FBXL7: variants seen among roughly 807,000 people sequenced by gnomAD.
FBXL7 encodes the protein F-box and leucine rich repeat protein 7, also known as F-box/LRR-repeat protein 7.
A neutral mutation model predicts 38.3 loss-of-function variants in FBXL7; 12 were observed. The observed-to-expected ratio is 0.31, with a 90% confidence interval of 0.20 to 0.51. The LOEUF (loss-of-function observed/expected upper bound fraction) is 0.51. Ranked by LOEUF, FBXL7 falls within the 20% of genes least tolerant of loss-of-function variation. FBXL7 has a pLI of 0.98. For missense variants in FBXL7, 567 were observed against 676.4 expected, an observed-to-expected ratio of 0.84 and a Z score of 1.79; for synonymous variants, 297 against 300.9, an observed-to-expected ratio of 0.99 and a Z score of 0.13.
At position 15,895,176 on chromosome 5, in the gene FBXL7, A is replaced by G. The variant is rs528633794; in HGVS notation, c.128-32714A>G. ...GTTAAAAGTAGTGGCAAAAACCTCA[A>G]TTACCTACCTATGTTTGGAAAGATA... On this transcript the variant is annotated intron_variant, in intron 2 of 3. Coordinates refer to ENST00000504595, the MANE Select transcript of FBXL7 (RefSeq NM_012304.5). Among the ~76,000 whole-genome samples the G allele has an allele frequency of 2.0e-3, 301 of 152,338 alleles. 1 individual carries two copies. The highest frequency in any genetic ancestry group is 6.7e-3 in the African/African-American group (279 of 41,578).
intron 2 of FBXL7, among the ~76,000 whole-genome samples, chr5:15,840,369 T>G (rs1738711963): frequency 6.6e-6 from 1 of 152,256 alleles, no homozygotes; most frequent in Admixed American, 6.5e-5. Flanking sequence ...CCTCATTCTT[T>G]TCCAAGTTAA....
At chr5:15,680,477 A>T (rs932379047) in intron 2 of FBXL7, among the ~76,000 whole-genome samples, 1 of 152,280 alleles carries the variant, frequency 6.6e-6, no homozygotes, top group Admixed American at 6.5e-5. Flanking sequence ...CTTATAACCA[A>T]ATAGAGAGGA....
In FBXL7 at chr5:15,500,594, C is replaced by T. The variant is rs1336058093; in HGVS notation, c.-83C>T. On this transcript the variant is annotated 5_prime_UTR_variant, in exon 1 of 4. Coordinates refer to ENST00000504595, the MANE Select transcript of FBXL7 (RefSeq NM_012304.5). Reference sequence around the variant, plus strand: ...ATGTGCAGCTAACGGTCCCGTCGGGCGGGCTTTCCTCGGGCCGAGCGCGCA... The same window carrying T: ...ATGTGCAGCTAACGGTCCCGTCGGGTGGGCTTTCCTCGGGCCGAGCGCGCA... 4 of 1,587,294 alleles carry T rather than the reference C, an allele frequency of 2.5e-6. No individual in the cohort carries two copies. Among genetic ancestry groups the T allele is most frequent in the Non-Finnish European group, 3.5e-6 (4 of 1,156,316 alleles).
At chr5:15,636,057 G>C (rs533993268) in intron 2 of FBXL7, among the ~76,000 whole-genome samples, 1 of 151,178 alleles carries the variant, frequency 6.6e-6, no homozygotes, top group South Asian at 2.1e-4. Flanking sequence ...TAACATTACT[G>C]CACCATCCAC....
At position 15,868,905 on chromosome 5, in the gene FBXL7, G is replaced by C. The variant is rs571351733; in HGVS notation, c.128-58985G>C. Among the ~76,000 whole-genome samples the C allele has an allele frequency of 5.3e-5, 8 of 152,192 alleles. No homozygotes were observed. In the East Asian group the frequency reaches 1.5e-3, roughly 29 times the overall value. ...GCCACTAGAGTAATTGTATATAAGA[G>C]TTAACTATCGCTGTGTAACAAATCA... On this transcript the variant is annotated intron_variant, in intron 2 of 3. Transcript: ENST00000504595.
rs1033381749 is a variant in FBXL7 at position 15,871,658 on chromosome 5, A to C, written c.128-56232A>C. ...AGCACGAGAACTTCGTGGAGCATAC[A>C]CAAGTATCAATAGCTGAATTGATCA... On this transcript the variant is annotated intron_variant, in intron 2 of 3. Coordinates refer to ENST00000504595, the MANE Select transcript of FBXL7 (RefSeq NM_012304.5). Among the ~76,000 whole-genome samples the C allele has an allele frequency of 2.0e-5, 3 of 152,198 alleles. No homozygotes were observed. In the East Asian group the frequency reaches 5.8e-4, roughly 29 times the overall value.
intron 2 of FBXL7, among the ~76,000 whole-genome samples, chr5:15,643,301 C>G (rs527754907): frequency 6.6e-6 from 1 of 152,162 alleles, no homozygotes; most frequent in Non-Finnish European, 1.5e-5. Context: ...CCTAGCTAGA[C>G]GTGCGCATGC....
At chr5:15,726,933 G>T (rs187926277) in intron 2 of FBXL7, among the ~76,000 whole-genome samples, 11 of 151,492 alleles carry the variant, frequency 7.3e-5, no homozygotes, top group Admixed American at 6.6e-4. Context: ...CTTCTTTTGT[G>T]TTTAGTTGAT....
chr5:15,687,164 G>T (rs1743038488), intron 2 of FBXL7, among the ~76,000 whole-genome samples: 1 of 152,232 alleles, frequency 6.6e-6, no homozygotes, highest in Non-Finnish European at 1.5e-5. Context: ...AAGCCTTGCT[G>T]GATTAGAATA....
chr5:15,841,732 C>T (rs931499578), intron 2 of FBXL7, among the ~76,000 whole-genome samples: 1 of 152,220 alleles, frequency 6.6e-6, no homozygotes, highest in Non-Finnish European at 1.5e-5. Flanking sequence ...AGTGTCCCAG[C>T]CACTCCAGCT....
chr5:15,576,012 A>G (rs551773003), intron 1 of FBXL7, among the ~76,000 whole-genome samples: 1 of 151,576 alleles, frequency 6.6e-6, no homozygotes, highest in South Asian at 2.1e-4. Flanking sequence ...TGTAAATGGT[A>G]AGTGAGTTTA....
At chr5:15,586,428 A>G (rs1026594695) in intron 1 of FBXL7, among the ~76,000 whole-genome samples, 1 of 151,150 alleles carries the variant, frequency 6.6e-6, no homozygotes, top group African/African-American at 2.4e-5. Flanking sequence ...CCAAAGCACA[A>G]AGTGATGGGT....
At chr5:15,706,674 G>A (rs535823277) in intron 2 of FBXL7, among the ~76,000 whole-genome samples, 1 of 152,252 alleles carries the variant, frequency 6.6e-6, no homozygotes, top group Admixed American at 6.5e-5. Flanking sequence ...AGGATTTGCT[G>A]TTGGAAAAAA....
chr5:15,713,951 G>A (rs1033474547), intron 2 of FBXL7, among the ~76,000 whole-genome samples: 2 of 152,170 alleles, frequency 1.3e-5, no homozygotes, highest in Non-Finnish European at 2.9e-5. Flanking sequence ...ATTGTGATAG[G>A]CTGAATAATG....
chr5:15,681,167 C>T (rs1458378708), intron 2 of FBXL7, among the ~76,000 whole-genome samples: 2 of 152,072 alleles, frequency 1.3e-5, no homozygotes, highest in Non-Finnish European at 2.9e-5. Context: ...CAACTAGTGT[C>T]AAAAGCTTCA....
chr5:15,755,218 G>A (rs919266884), intron 2 of FBXL7, among the ~76,000 whole-genome samples: 6 of 152,154 alleles, frequency 3.9e-5, no homozygotes, highest in Admixed American at 3.3e-4. Context: ...AAATTAAATT[G>A]TATTTTGTAT....
intron 3 of FBXL7, among the ~76,000 whole-genome samples, chr5:15,931,021 C>G (rs2126464663): frequency 6.6e-6 from 1 of 152,210 alleles, no homozygotes; most frequent in East Asian, 1.9e-4. Flanking sequence ...CATCACTGGT[C>G]TAGAGCTTAA....
At chr5:15,613,985 A>G (rs931957527) in intron 1 of FBXL7, among the ~76,000 whole-genome samples, 1 of 152,080 alleles carries the variant, frequency 6.6e-6, no homozygotes, top group Non-Finnish European at 1.5e-5. Flanking sequence ...GCTCTGTGGG[A>G]TGTCTCATAA....
At chr5:15,752,736 A>G (rs917393913) in intron 2 of FBXL7, among the ~76,000 whole-genome samples, 1 of 152,174 alleles carries the variant, frequency 6.6e-6, no homozygotes, top group Non-Finnish European at 1.5e-5. Context: ...ATTTTAGTAA[A>G]TGTATGAATA....
Sources: gnomAD v4.1 joint callset for allele counts (sites outside exome capture counted in the v4.1 genomes callset) on GRCh38, gnomAD v4.1.1 for gene constraint, MANE v1.5 for transcripts, NCBI Gene and HGNC (gene_info 2026-07-23, HGNC 2026-07-21) for gene names.